COL12A1: variants seen among roughly 807,000 people sequenced by gnomAD.
COL12A1 encodes the protein collagen alpha-1(XII) chain.
COL12A1 carries 114 observed loss-of-function variants against 349.7 expected under a neutral mutation model. The observed-to-expected ratio is 0.33, with a 90% CI of 0.28 to 0.38. The LOEUF is 0.38. Among genes scored for constraint, COL12A1 ranks in the 10% least tolerant of loss-of-function variants. The pLI is 1.00. For missense variants in COL12A1, 3,284 were observed against 3,756.9 expected, an observed-to-expected ratio of 0.87 and a Z score of 3.29; for synonymous variants, 1,369 against 1,329.0, an observed-to-expected ratio of 1.03 and a Z score of -0.66.
chr6:75,117,523 C>T lies in COL12A1; in HGVS notation c.7378G>A (p.Val2460Met), dbSNP rs1393650106. 3 of 1,613,418 alleles carry T rather than the reference C, an allele frequency of 1.9e-6. No homozygotes were observed. The highest frequency in any genetic ancestry group is 2.2e-5 in the South Asian group (2 of 91,050). The part of the protein sequence containing the change: ...QSGFSVFVVG[V>M]ADVDYNELAN... ...AGCTCATTGTAGTCGACATCAGCCACACCAACTACAAAGACACTGAACCCT... is the reference window on the plus strand; with the variant it reads ...AGCTCATTGTAGTCGACATCAGCCATACCAACTACAAAGACACTGAACCCT... Residue 2460 changes from valine (V) to methionine (M), a missense_variant, in exon 47 of 66, where the codon GTG becomes ATG. Coordinates refer to ENST00000322507, the MANE Select transcript of COL12A1 (RefSeq NM_004370.6).
At chr6:75,117,070 C>T (rs1026598821) in intron 47 of COL12A1, among the ~76,000 whole-genome samples, 1 of 152,108 alleles carries the variant, frequency 6.6e-6, no homozygotes, top group African/African-American at 2.4e-5. Flanking sequence ...CTCACAGAAA[C>T]GCCTTCTATA....
At chr6:75,163,713 T>C (rs1768137612) in intron 14 of COL12A1, among the ~76,000 whole-genome samples, 1 of 152,124 alleles carries the variant, frequency 6.6e-6, no homozygotes, top group African/African-American at 2.4e-5. Context: ...TCATCAATGT[T>C]TAAATCAAGC....
At chr6:75,108,946 A>C (rs1768697342) in intron 52 of COL12A1, 72 bp downstream of exon 52, 1 of 1,444,944 alleles carries the variant, frequency 6.9e-7, no homozygotes, top group African/African-American at 1.4e-5. Flanking sequence ...ATAAAACTCA[A>C]GGAGTTGTTT....
At chr6:75,203,753 A>C (rs1020656602) in intron 1 of COL12A1, among the ~76,000 whole-genome samples, 1 of 152,238 alleles carries the variant, frequency 6.6e-6, no homozygotes, top group Non-Finnish European at 1.5e-5. Flanking sequence ...ATCTCCTAAA[A>C]TAGTCTAGGG....
At chr6:75,106,823 T>G (rs1208293916) in intron 52 of COL12A1, among the ~76,000 whole-genome samples, 7 of 151,962 alleles carry the variant, frequency 4.6e-5, no homozygotes, top group African/African-American at 1.7e-4. Flanking sequence ...CCTCTTTGGC[T>G]GAAATGCAAT....
rs199713791 is a variant in COL12A1, at chr6:75,181,216, TTAA to T, written c.1892-8_1892-6del. 2.7e-3 allele frequency: 3,753 copies of T among 1,408,090 alleles called. 63 individuals are homozygous for T. The African/African-American group carries it at 0.076, about 28-fold the overall frequency. The allele number at this position is 1,408,090 out of a possible 1,614,324, so 87.2% of individuals were successfully genotyped here. Reference sequence around the variant, plus strand: ...GATCCTTTGGAGGGACGTAAGCTATTTAAAAAAAAAAAAAGACAGTTAAAAATG... The same window carrying T: ...GATCCTTTGGAGGGACGTAAGCTATTAAAAAAAAAAAGACAGTTAAAAATG... On this transcript the variant is annotated splice_polypyrimidine_tract_variant and splice_region_variant and intron_variant, in intron 10 of 65. Transcript: ENST00000322507.
rs1033246380 is a variant in COL12A1, at chr6:75,165,784, A to C, written c.2711-5T>G. 1.2e-6 allele frequency: 2 copies of C among 1,610,096 alleles called. No individual in the cohort carries two copies. Among genetic ancestry groups the C allele is most frequent in the East Asian group, 4.5e-5 (2 of 44,856 alleles). On this transcript the variant is annotated splice_polypyrimidine_tract_variant and splice_region_variant and intron_variant, in intron 13 of 65. Transcript: ENST00000322507. ...AATCTTGAGGAGAACCACGTTCTAG[A>C]ACAGAAATTAAAAGGGAATCTTTTT...
intron 16 of COL12A1, 55 bp from the exon 17 acceptor site, chr6:75,154,592 C>A: frequency 1.3e-6 from 2 of 1,512,554 alleles, no homozygotes; most frequent in Non-Finnish European, 1.8e-6. Context: ...CAAGTGGTAG[C>A]ACTTTTTTTT....
chr6:75,134,019 T>C, intron 32 of COL12A1, 22 bp from the exon 33 acceptor site: 1 of 1,606,718 alleles, frequency 6.2e-7, no homozygotes, highest in Non-Finnish European at 8.5e-7. Context: ...AGAAATCCCA[T>C]CACAGTATAA....
At chr6:75,151,796 C>A in intron 20 of COL12A1, 71 bp downstream of exon 20, 4 of 1,455,234 alleles carry the variant, frequency 2.7e-6, no homozygotes, top group South Asian at 2.9e-5. Context: ...TCAGATAAAA[C>A]TTCTAACTAC....
rs1369556861 is a variant in COL12A1 at position 75,175,271 on chromosome 6, G to T, written c.2477C>A (p.Thr826Lys). Residue 826 changes from threonine to lysine, a missense_variant, in exon 13 of 66, where the codon ACG becomes AAG. By Grantham distance (78) the Thr-to-Lys change is moderately conservative. Coordinates refer to ENST00000322507, the MANE Select transcript of COL12A1 (RefSeq NM_004370.6). ...NPRDLRVSDP[T>K]TSTMKLSWSG... The stretch of plus-strand genomic sequence containing the variant: ...CCAAGATAATTTCATAGTAGACGTC[G>T]TAGGGTCAGAAACTCTTAAGTCTCT... 3 of 1,614,116 alleles carry T rather than the reference G, an allele frequency of 1.9e-6. No homozygotes were observed. The Admixed American group carries it at 5.0e-5, about 27-fold the overall frequency.
chr6:75,202,634 A>G, intron 2 of COL12A1, 86 bp downstream of exon 2: 1 of 1,321,330 alleles, frequency 7.6e-7, no homozygotes, highest in East Asian at 2.5e-5. Context: ...GGGAAAACAG[A>G]GCAAGCAATA....
Position 75,117,412 on chromosome 6 carries a change from T to G in COL12A1, c.7489A>C (p.Ile2497Leu). The G allele has an allele frequency of 6.2e-7, 1 of 1,613,628 alleles. No homozygotes were observed. Among genetic ancestry groups the G allele is most frequent in the Non-Finnish European group, 8.5e-7 (1 of 1,179,618 alleles). ...ESFEKIEDNL[I>L]TFVCETATSS... is the part of the protein sequence containing the mutation. The stretch of plus-strand genomic sequence containing the variant: ...GTGGCAGTTTCACAAACAAATGTAA[T>G]AAGATTGTCTTCGATCTTCTCAAAA... The change falls in exon 47 of 66, where the codon ATT becomes CTT. Residue 2497 changes from isoleucine (I) to leucine (L), a missense_variant. Physicochemically the swap from Ile to Leu is conservative, Grantham distance 5. Coordinates refer to ENST00000322507, the MANE Select transcript of COL12A1 (RefSeq NM_004370.6).
intron 51 of COL12A1, among the ~76,000 whole-genome samples, chr6:75,109,954 A>G (rs539261509): frequency 4.1e-4 from 63 of 152,238 alleles, no homozygotes; most frequent in African/African-American, 1.5e-3. Flanking sequence ...CAGCAAATTA[A>G]AAGGAACAGA....
intron 5 of COL12A1, among the ~76,000 whole-genome samples, chr6:75,190,309 C>A (rs1285970079): frequency 6.6e-6 from 1 of 151,798 alleles, no homozygotes; most frequent in Non-Finnish European, 1.5e-5. Context: ...AGTTGAAGAC[C>A]TAATTTGTTA....
intron 44 of COL12A1, among the ~76,000 whole-genome samples, chr6:75,120,692 T>A (rs17790499): frequency 0.058 from 8,845 of 152,178 alleles, 293 homozygotes; most frequent in South Asian, 0.11. Context: ...TGTGTTAGGG[T>A]TACATGATGA....
At position 75,107,312 on chromosome 6, in the gene COL12A1, C is replaced by A. The variant is rs1354859880; in HGVS notation, c.8101-816G>T. 3.9e-5 allele frequency among the ~76,000 whole-genome samples: 6 copies of A among 152,084 alleles called. No homozygotes were observed. In the East Asian group the frequency reaches 1.2e-3, roughly 29 times the overall value. The stretch of plus-strand genomic sequence containing the variant: ...TTTTGAGATGGAGTCTCACTGTTGC[C>A]CAGGCTGGAGTATAGTGGTGTGATC... On this transcript the variant is annotated intron_variant, in intron 52 of 65. Coordinates refer to ENST00000322507, the MANE Select transcript of COL12A1 (RefSeq NM_004370.6).
chr6:75,096,941 G>T (rs947224127), intron 59 of COL12A1, among the ~76,000 whole-genome samples: 2 of 144,872 alleles, frequency 1.4e-5, no homozygotes, highest in Non-Finnish European at 3.0e-5. Flanking sequence ...GGAAATAACC[G>T]AACCACCGAG....
intron 27 of COL12A1, 133 bp downstream of exon 27, chr6:75,141,899 A>C: frequency 8.8e-7 from 1 of 1,131,790 alleles, no homozygotes; most frequent in Non-Finnish European, 1.2e-6. Flanking sequence ...TAAGTGAAAA[A>C]CAATCTATGA....
Sources: allele counts gnomAD v4.1 joint callset (sites outside exome capture counted in the v4.1 genomes callset), GRCh38; gene constraint gnomAD v4.1.1; transcripts MANE v1.5; gene names NCBI Gene and HGNC (gene_info 2026-07-23, HGNC 2026-07-21).